CELF4: variants seen among roughly 807,000 people sequenced by gnomAD.
CELF4 encodes the protein CUGBP Elav-like family member 4.
CELF4 carries 18 observed loss-of-function variants against 59.9 expected under a neutral mutation model. That is an observed-to-expected ratio of 0.30 (90% CI 0.21 to 0.45). The LOEUF (loss-of-function observed/expected upper bound fraction) is 0.45, where lower values mean the gene tolerates loss of function less well. CELF4 is among the 20% of genes least tolerant of loss of function. CELF4 has a pLI of 1.00. For synonymous variants in CELF4, 261 were observed against 267.1 expected, an observed-to-expected ratio of 0.98 and a Z score of 0.22; for missense variants, 456 against 689.0, an observed-to-expected ratio of 0.66 and a Z score of 3.79.
At chr18:37,526,693 C>G (rs1003355355) in intron 1 of CELF4, among the ~76,000 whole-genome samples, 1 of 152,222 alleles carries the variant, frequency 6.6e-6, no homozygotes, top group Non-Finnish European at 1.5e-5. Flanking sequence ...AAAATGCAAA[C>G]TCTGGACGTC....
intron 2 of CELF4, among the ~76,000 whole-genome samples, chr18:37,467,126 C>T (rs780523752): frequency 2.0e-5 from 3 of 152,214 alleles, no homozygotes; most frequent in Non-Finnish European, 2.9e-5. Context: ...TGTCACTATA[C>T]GGGTCATTAT....
rs1390290989 is a variant in CELF4, at chr18:37,268,691, T to C, written c.1099+2077A>G. On this transcript the variant is annotated intron_variant, in intron 8 of 12. Coordinates refer to ENST00000420428, the MANE Select transcript of CELF4 (RefSeq NM_020180.4). ...TCCAGCAAGAACCCAAGAGGGGAGA[T>C]CAGAAAAGCTACCTGGGGCAGGGAA... Among the ~76,000 whole-genome samples the C allele has an allele frequency of 2.6e-5, 4 of 152,044 alleles. No homozygotes were observed. In the East Asian group the frequency reaches 7.7e-4, roughly 29 times the overall value.
chr18:37,391,509 G>A (rs114664533), intron 2 of CELF4, among the ~76,000 whole-genome samples: 1 of 152,188 alleles, frequency 6.6e-6, no homozygotes, highest in African/African-American at 2.4e-5. Context: ...GTGCTGGAGT[G>A]GTCCTGTCTT....
chr18:37,398,881 G>A (rs2099279350), intron 2 of CELF4, among the ~76,000 whole-genome samples: 1 of 152,142 alleles, frequency 6.6e-6, no homozygotes. Context: ...CCCTCGAGTG[G>A]CTGAGAGGAT....
At chr18:37,266,229 T>G (rs2077470768) in intron 9 of CELF4, 1 of 518,498 alleles carries the variant, frequency 1.9e-6, no homozygotes, top group Admixed American at 3.3e-5. Flanking sequence ...AAAGTGGCCC[T>G]GGAAGCTCCA....
At chr18:37,521,298 G>A (rs560333241) in intron 1 of CELF4, among the ~76,000 whole-genome samples, 13 of 152,074 alleles carry the variant, frequency 8.5e-5, no homozygotes, top group East Asian at 3.9e-4. Context: ...AAATTAGCAC[G>A]TATGGAGAAC....
chr18:37,270,719 G>T, intron 8 of CELF4, 49 bp downstream of exon 8: 1 of 1,608,002 alleles, frequency 6.2e-7, no homozygotes, highest in Non-Finnish European at 8.5e-7. Flanking sequence ...GGACAGCATG[G>T]ATAAAGAATG....
In CELF4 at chr18:37,492,691, C is replaced by G. The variant is rs1399706102; in HGVS notation, c.287-7084G>C. ...TTCGAGTACCCGGCTGGAGTCTACACAGCCTTTAAGACTCACTTCTTAGGT... is the reference window on the plus strand; with the variant it reads ...TTCGAGTACCCGGCTGGAGTCTACAGAGCCTTTAAGACTCACTTCTTAGGT... On this transcript the variant is annotated intron_variant, in intron 1 of 12. Transcript: ENST00000420428. Among the ~76,000 whole-genome samples, 8 of 152,320 alleles carry G rather than the reference C, an allele frequency of 5.3e-5. No homozygotes were observed. The East Asian group carries it at 1.5e-3, about 29-fold the overall frequency.
chr18:37,332,794 C>T (rs1373735036), intron 2 of CELF4, among the ~76,000 whole-genome samples: 3 of 152,210 alleles, frequency 2.0e-5, no homozygotes, highest in Admixed American at 6.5e-5. Context: ...CTGGTGGACC[C>T]GTGACCATGC....
At chr18:37,261,386 C>T (rs2074327403) in intron 10 of CELF4, among the ~76,000 whole-genome samples, 1 of 152,196 alleles carries the variant, frequency 6.6e-6, no homozygotes, top group South Asian at 2.1e-4. Flanking sequence ...ATCTGTTCTC[C>T]TTAGAGATAA....
intron 2 of CELF4, among the ~76,000 whole-genome samples, chr18:37,472,276 G>A (rs768802964): frequency 1.3e-5 from 2 of 152,240 alleles, no homozygotes; most frequent in Non-Finnish European, 2.9e-5. Context: ...CTCTCACAGT[G>A]GTTTCCATTC....
At chr18:37,360,285 C>T (rs2154559497) in intron 2 of CELF4, among the ~76,000 whole-genome samples, 1 of 152,280 alleles carries the variant, frequency 6.6e-6, no homozygotes, top group South Asian at 2.1e-4. Flanking sequence ...CTCAGAGGGC[C>T]CCAGAGACCT....
intron 1 of CELF4, among the ~76,000 whole-genome samples, chr18:37,493,648 C>A (rs1272917114): frequency 6.6e-6 from 1 of 151,506 alleles, no homozygotes; most frequent in Non-Finnish European, 1.5e-5. Flanking sequence ...GAGGAGGCAG[C>A]CTGCAGGGTG....
At chr18:37,251,477 C>T (rs2065431758) in intron 12 of CELF4, among the ~76,000 whole-genome samples, 1 of 152,172 alleles carries the variant, frequency 6.6e-6, no homozygotes, top group African/African-American at 2.4e-5. Flanking sequence ...GCCAAGGAGG[C>T]TAAGACAAGC....
chr18:37,501,357 T>G (rs2099931690), intron 1 of CELF4, among the ~76,000 whole-genome samples: 1 of 152,258 alleles, frequency 6.6e-6, no homozygotes, highest in African/African-American at 2.4e-5. Context: ...TTGCTTCTAC[T>G]TGTTCTTCCT....
In CELF4 at chr18:37,538,487, C is replaced by CCT. The variant is rs1361292007; in HGVS notation, c.286+26867_286+26868dup. ...GACTCCTTCAGGGCAGAGGCTCCTT[C>CCT]CTCCCTTTTTGCTTTTCTGAATCCC... On this transcript the variant is annotated intron_variant, in intron 1 of 12. Transcript: ENST00000420428. Among the ~76,000 whole-genome samples, 3 of 152,294 alleles carry CCT rather than the reference C, an allele frequency of 2.0e-5. No individual in the cohort carries two copies. The South Asian group carries it at 6.2e-4, about 32-fold the overall frequency.
At chr18:37,454,707 A>C (rs2099773326) in intron 2 of CELF4, among the ~76,000 whole-genome samples, 1 of 152,216 alleles carries the variant, frequency 6.6e-6, no homozygotes, top group South Asian at 2.1e-4. Flanking sequence ...TACTCCCAAC[A>C]TCACACTTTG....
At chr18:37,311,132 C>T (rs1485139959) in intron 3 of CELF4, among the ~76,000 whole-genome samples, 2 of 152,222 alleles carry the variant, frequency 1.3e-5, no homozygotes, top group Non-Finnish European at 2.9e-5. Flanking sequence ...CGAGTCTCAA[C>T]TTAACTTTCC....
At chr18:37,326,083 G>A (rs1433471700) in intron 2 of CELF4, among the ~76,000 whole-genome samples, 1 of 152,194 alleles carries the variant, frequency 6.6e-6, no homozygotes, top group Non-Finnish European at 1.5e-5. Context: ...TGAAGAGGGA[G>A]GAGGATGGAG....
Sources: allele counts gnomAD v4.1 joint callset (sites outside exome capture counted in the v4.1 genomes callset), GRCh38; gene constraint gnomAD v4.1.1; transcripts MANE v1.5; gene names NCBI Gene and HGNC (gene_info 2026-07-23, HGNC 2026-07-21).